HELZ2: variants seen among roughly 807,000 people sequenced by gnomAD.
HELZ2 encodes 3'-5' exoribonuclease HELZ2.
A neutral mutation model predicts 208.8 loss-of-function variants in HELZ2; 143 were observed. The ratio of observed to expected loss-of-function variants is 0.68; its 90% confidence interval spans 0.60 to 0.79. The LOEUF is 0.79. Ranked by LOEUF, HELZ2 falls within the 30% of genes least tolerant of loss-of-function variation. The pLI is 0.00. For missense variants in HELZ2, 3,690 were observed against 3,794.5 expected, an observed-to-expected ratio of 0.97 and a Z score of 0.72; for synonymous variants, 1,705 against 1,693.7, an observed-to-expected ratio of 1.01 and a Z score of -0.16.
chr20:63,562,967 T>G (rs945596142), exon 8 of HELZ2: 2 of 1,592,408 alleles, frequency 1.3e-6, no homozygotes, highest in Admixed American at 1.8e-5. Flanking sequence ...GGTGGCCGAC[T>G]CCAGGGCGCA....
intron 3 of HELZ2, 195 bp downstream of exon 4, chr20:63,570,309 G>A (rs1451761673): frequency 5.6e-6 from 4 of 708,594 alleles, no homozygotes; most frequent in South Asian, 4.5e-5. Flanking sequence ...TGCCAAGGTG[G>A]GACTGTCCTG....
At chr20:63,571,194 C>T (rs79751697) in intron 1 of HELZ2, 20,292 of 244,820 alleles carry the variant, frequency 0.083, 1,298 homozygotes, top group East Asian at 0.33. Context: ...GCTCTGCCTA[C>T]GGTGGGCTCC....
At chr20:63,560,831 G>T in exon 15 of HELZ2, 4 of 1,613,064 alleles carry the variant, frequency 2.5e-6, no homozygotes, top group Non-Finnish European at 3.4e-6. Flanking sequence ...GTGCGTCCTC[G>T]TGGTACCGCT....
At chr20:63,563,960 A>G (rs1299587359) in exon 8 of HELZ2, 1 of 1,596,658 alleles carries the variant, frequency 6.3e-7, no homozygotes, top group Non-Finnish European at 8.5e-7. Flanking sequence ...CGTGGTGACC[A>G]AGTCCACCAT....
At chr20:63,569,071 C>T (rs1008676398) in intron 4 of HELZ2, 72 bp from the exon 6 acceptor site, 33 of 1,588,052 alleles carry the variant, frequency 2.1e-5, no homozygotes, top group Middle Eastern at 1.8e-4. Flanking sequence ...CGCCCCCATC[C>T]GCTCCCGTTG....
exon 6 of HELZ2, chr20:63,567,057 G>A: frequency 2.5e-6 from 4 of 1,612,172 alleles, no homozygotes; most frequent in Non-Finnish European, 3.4e-6. Context: ...CCTTGCCCCT[G>A]GCGTGGATGG....
Position 63,561,900 on chromosome 20 carries a change from G to T in HELZ2, c.6614C>A (p.Pro2205His), listed in dbSNP as rs200091305. The T allele has an allele frequency of 7.4e-4, 1,166 of 1,583,060 alleles. 2 individuals are homozygous for T. The highest frequency in any genetic ancestry group is 6.1e-3 in the African/African-American group (451 of 74,422). ...ACCCCCCAGCCGCTTCTCCCCACGGGGGGGGCCTCCGGGCTGCACCTGCTC... is the reference window on the plus strand; with the variant it reads ...ACCCCCCAGCCGCTTCTCCCCACGGTGGGGGCCTCCGGGCTGCACCTGCTC... The change falls in exon 11 of 19, where the codon CCC becomes CAC. Residue 2205 changes from proline to histidine, a missense_variant. Physicochemically the swap from Pro to His is moderately conservative, Grantham distance 77. Coordinates refer to ENST00000467148, the Ensembl canonical transcript of HELZ2.
At chr20:63,559,078 G>A (rs543719119), downstream of HELZ2, 63 of 713,542 alleles carry the variant, frequency 8.8e-5, no homozygotes, top group Admixed American at 2.4e-4. Context: ...TGTGGGGACC[G>A]GCCCTTGCCG....
exon 3 of HELZ2, chr20:63,570,512 G>C (rs766866645): frequency 6.2e-7 from 1 of 1,613,048 alleles, no homozygotes; most frequent in Non-Finnish European, 8.5e-7. Flanking sequence ...ACCTCAGAGT[G>C]GACGGCAAAC....
Position 63,563,323 on chromosome 20 carries a change from C to A in HELZ2, c.5499G>T (p.Glu1833Asp), listed in dbSNP as rs749121855. ...CCGGCCAGCGCTGCAGCTCCACCAGCTCCAGCAGCTGCTTCCACAGGGCCG... is the reference window on the plus strand; with the variant it reads ...CCGGCCAGCGCTGCAGCTCCACCAGATCCAGCAGCTGCTTCCACAGGGCCG... The change falls in exon 8 of 19, where the codon GAG becomes GAT. Residue 1833 changes from glutamate (E) to aspartate (D), a missense_variant. By Grantham distance (45) the Glu-to-Asp change is conservative. Transcript: ENST00000467148. 47 of 1,540,946 alleles carry A rather than the reference C, an allele frequency of 3.1e-5. 5 individuals carry two copies. The South Asian group carries it at 5.4e-4, about 18-fold the overall frequency.
In HELZ2 at chr20:63,566,187, G is replaced by A; in HGVS notation, c.2635C>T (p.Gln879Ter). The A allele has an allele frequency of 6.6e-7, 1 of 1,522,340 alleles. No homozygotes were observed. Among genetic ancestry groups the A allele is most frequent in the Non-Finnish European group, 8.8e-7 (1 of 1,138,156 alleles). 94.3% of individuals were successfully genotyped at this position (1,522,340 alleles called of 1,614,324 possible). ...AGTGCCCCAGGGCTGAGCAGGCTCT[G>A]GCAGGTGTGCACAGTGCTGAGCACC... The change falls in exon 8 of 19, where the codon CAG becomes TAG. Residue 879 changes from glutamine (Q) to a stop codon, truncating the protein, a stop_gained. Transcript: ENST00000467148. LOFTEE classifies it high-confidence loss of function.
At chr20:63,568,438 C>T (rs2082985059) in exon 5 of HELZ2, 1 of 1,605,008 alleles carries the variant, frequency 6.2e-7, no homozygotes, top group Non-Finnish European at 8.5e-7. Context: ...GCGTGTAGGT[C>T]TTGCCGGTGC....
chr20:63,561,287 C>T lies in HELZ2; in HGVS notation c.6954-13G>A, dbSNP rs2082883717. 5.0e-6 allele frequency: 8 copies of T among 1,612,426 alleles called. 1 individual carries two copies. In the East Asian group the frequency reaches 1.8e-4, roughly 36 times the overall value. ...GACCTTCTTGTACCTGCCGGGGACACTGCTTGTCACCCCAGGGCCCCCATG... is the reference window on the plus strand; with the variant it reads ...GACCTTCTTGTACCTGCCGGGGACATTGCTTGTCACCCCAGGGCCCCCATG... On this transcript the variant is annotated splice_polypyrimidine_tract_variant and intron_variant, in intron 13 of 18. Coordinates refer to ENST00000467148, the Ensembl canonical transcript of HELZ2.
exon 8 of HELZ2, chr20:63,564,351 A>G: frequency 6.4e-7 from 1 of 1,570,372 alleles, no homozygotes; most frequent in South Asian, 1.1e-5. Context: ...CGAGAGAAGT[A>G]GCACGCGGCC....
exon 8 of HELZ2, chr20:63,564,338 A>G: frequency 6.3e-7 from 1 of 1,579,346 alleles, no homozygotes. Context: ...CCGGCGCAGC[A>G]GCCGAGAGAA....
chr20:63,567,890 AT>A, intron 5 of HELZ2: 1 of 642,200 alleles, frequency 1.6e-6, no homozygotes, highest in South Asian at 2.1e-5. Flanking sequence ...AGAACCCCCA[AT>A]CCAGAAATCA....
intron 6 of HELZ2, 38 bp downstream of exon 7, chr20:63,566,806 G>T: frequency 6.5e-7 from 1 of 1,538,310 alleles, no homozygotes; most frequent in Non-Finnish European, 8.8e-7. Flanking sequence ...CCCCAGCAGG[G>T]GTGCGGTCGG....
exon 9 of HELZ2, chr20:63,562,325 G>C (rs780485853): frequency 6.3e-6 from 10 of 1,598,194 alleles, no homozygotes; most frequent in South Asian, 5.5e-5. Flanking sequence ...GGCCCAGTGC[G>C]ATGCTGGTGA....
chr20:63,559,399 A>G, intron 18 of HELZ2, 29 bp from the exon 20 acceptor site: 15 of 1,528,556 alleles, frequency 9.8e-6, no homozygotes, highest in East Asian at 2.4e-5. Flanking sequence ...GATGGGAGTC[A>G]GTCAGGGTCA....
Sources: allele counts gnomAD v4.1 joint callset, GRCh38; gene constraint gnomAD v4.1.1; transcripts MANE v1.5; gene names NCBI Gene and HGNC (gene_info 2026-07-23, HGNC 2026-07-21).